Variants in SYNPR observed in about 807,000 individuals in gnomAD.
SYNPR encodes the protein synaptoporin.
Under a neutral mutation model 32.9 loss-of-function variants are expected in SYNPR, and 23 were observed. The observed-to-expected ratio is 0.70, with a 90% CI of 0.50 to 0.99. SYNPR has a LOEUF of 0.99. SYNPR is among the 50% of genes least tolerant of loss of function. The pLI is 0.00. For synonymous variants in SYNPR, 146 were observed against 135.9 expected (o/e 1.07, Z -0.52); for missense variants, 318 against 349.3 (o/e 0.91, Z 0.71).
At chr3:63,595,664 G>A (rs1308338767) in intron 4 of SYNPR, among the ~76,000 whole-genome samples, 4 of 131,984 alleles carry the variant, frequency 3.0e-5, no homozygotes, top group Non-Finnish European at 4.8e-5. Context: ...CATTTTGCAC[G>A]GTACCTAGTG....
chr3:63,207,038 G>T, the SYNPR span, among the ~76,000 whole-genome samples: 9 of 152,336 alleles, frequency 5.9e-5, no homozygotes, highest in Middle Eastern at 3.4e-3. Context: ...GAGAAGGAGA[G>T]AGGAAGTTTG....
intron 2 of SYNPR, among the ~76,000 whole-genome samples, chr3:63,465,024 C>T (rs2106662894): frequency 6.6e-6 from 1 of 152,236 alleles, no homozygotes; most frequent in East Asian, 1.9e-4. Flanking sequence ...CACTGGTACT[C>T]AGAAACTAAA....
chr3:63,327,766 G>A (rs902351438), intron 2 of SYNPR, among the ~76,000 whole-genome samples: 1 of 152,174 alleles, frequency 6.6e-6, no homozygotes, highest in Non-Finnish European at 1.5e-5. Flanking sequence ...TAGGACAGTA[G>A]CTAACTTTTG....
intron 4 of SYNPR, among the ~76,000 whole-genome samples, chr3:63,565,718 G>A (rs545496357): frequency 6.6e-6 from 1 of 152,296 alleles, no homozygotes; most frequent in East Asian, 1.9e-4. Flanking sequence ...AGAGGATGCT[G>A]CAATGAGGCA....
At chr3:63,254,417 T>G (rs1184285976) in intron 2 of SYNPR, among the ~76,000 whole-genome samples, 1 of 152,148 alleles carries the variant, frequency 6.6e-6, no homozygotes, top group African/African-American at 2.4e-5. Flanking sequence ...AATTTAGTAG[T>G]TGCAACCAAC....
At chr3:63,469,595 A>G (rs139431630) in intron 2 of SYNPR, among the ~76,000 whole-genome samples, 1 of 152,298 alleles carries the variant, frequency 6.6e-6, no homozygotes, top group African/African-American at 2.4e-5. Context: ...CTGAATTTTT[A>G]TTTTATCTTA....
intron 2 of SYNPR, among the ~76,000 whole-genome samples, chr3:63,351,843 G>C (rs970637989): frequency 6.6e-6 from 1 of 152,116 alleles, no homozygotes; most frequent in East Asian, 1.9e-4. Context: ...CTAAGTGGGG[G>C]AGAGATAAAA....
Position 63,422,095 on chromosome 3 carries a change from T to C in SYNPR, c.85-58737T>C, listed in dbSNP as rs531659594. 2.0e-5 allele frequency among the ~76,000 whole-genome samples: 3 copies of C among 152,364 alleles called. No homozygotes were observed. The South Asian group carries it at 6.2e-4, about 32-fold the overall frequency. The stretch of plus-strand genomic sequence containing the variant: ...TCAGTGAGTGTTGTATCATTATTTT[T>C]ACAGGTTCCACTCACATTCAGGTTA... On this transcript the variant is annotated intron_variant, in intron 2 of 5. Transcript: ENST00000478300.
intron 2 of SYNPR, chr3:63,330,144 C>G (rs1467810810): frequency 6.6e-6 from 1 of 152,142 alleles, no homozygotes; most frequent in Non-Finnish European, 1.5e-5. Context: ...CCTCAGGAGC[C>G]TTTTCTCCAG....
At chr3:63,443,570 A>G (rs1242576094) in intron 2 of SYNPR, 129 of 1,340,380 alleles carry the variant, frequency 9.6e-5, no homozygotes, top group Non-Finnish European at 1.2e-4. Context: ...TTTCTTTCCA[A>G]GTATCAGTTT....
intron 2 of SYNPR, among the ~76,000 whole-genome samples, chr3:63,459,246 A>G (rs1700539560): frequency 6.6e-6 from 1 of 152,076 alleles, no homozygotes; most frequent in South Asian, 2.1e-4. Context: ...ACCTCAGTGA[A>G]ATGAGACATT....
chr3:63,201,534 A>C, the SYNPR span, among the ~76,000 whole-genome samples: 1 of 152,296 alleles, frequency 6.6e-6, no homozygotes, highest in Middle Eastern at 3.4e-3. Flanking sequence ...TGGAGACAGC[A>C]AAACATGATT....
At position 63,595,739 on chromosome 3, in the gene SYNPR, AT is replaced by A. The variant is rs1559546149; in HGVS notation, c.409-13385del. Among the ~76,000 whole-genome samples, 9 of 44,076 alleles carry A rather than the reference AT, an allele frequency of 2.0e-4. 2 individuals carry two copies. Among genetic ancestry groups the A allele is most frequent in the African/African-American group, 1.6e-3 (7 of 4,460 alleles). 28.9% of individuals were successfully genotyped at this position (44,076 alleles called of 152,430 possible). On this transcript the variant is annotated intron_variant, in intron 4 of 5. Transcript: ENST00000478300. ...ATTTTATATATATATATATATATATATATATATATATATATATATATATATA... is the reference window on the plus strand; with the variant it reads ...ATTTTATATATATATATATATATATAATATATATATATATATATATATATA...
At chr3:63,573,543 G>C (rs895671099) in intron 4 of SYNPR, among the ~76,000 whole-genome samples, 5 of 152,178 alleles carry the variant, frequency 3.3e-5, no homozygotes, top group Non-Finnish European at 7.3e-5. Context: ...CAGAATGAAT[G>C]CTGGGAGCAG....
chr3:63,555,407 C>A (rs1188483176), intron 3 of SYNPR, among the ~76,000 whole-genome samples: 1 of 151,906 alleles, frequency 6.6e-6, no homozygotes, highest in Non-Finnish European at 1.5e-5. Context: ...TATCTTTTTG[C>A]AAGTGCCTCC....
intron 2 of SYNPR, among the ~76,000 whole-genome samples, chr3:63,360,804 T>C (rs561408792): frequency 2.0e-5 from 3 of 152,282 alleles, no homozygotes; most frequent in Non-Finnish European, 4.4e-5. Context: ...CTACCTAAGA[T>C]ATTCCCCCTA....
intron 4 of SYNPR, among the ~76,000 whole-genome samples, chr3:63,600,480 C>A (rs573790070): frequency 6.6e-6 from 1 of 152,122 alleles, no homozygotes; most frequent in African/African-American, 2.4e-5. Context: ...TGCAAGGTAT[C>A]CTCAAACTCA....
At chr3:63,539,450 T>C (rs1355561952) in intron 3 of SYNPR, among the ~76,000 whole-genome samples, 1 of 152,138 alleles carries the variant, frequency 6.6e-6, no homozygotes, top group Admixed American at 6.6e-5. Flanking sequence ...CTTCCTTCTC[T>C]GGTATCTAAA....
At chr3:63,356,102 G>A (rs1318466847) in intron 2 of SYNPR, among the ~76,000 whole-genome samples, 1 of 152,158 alleles carries the variant, frequency 6.6e-6, no homozygotes, top group African/African-American at 2.4e-5. Context: ...TCCTAAGATG[G>A]CTCATTCTTC....
Sources: gnomAD v4.1 joint callset for allele counts (sites outside exome capture counted in the v4.1 genomes callset) on GRCh38, gnomAD v4.1.1 for gene constraint, MANE v1.5 for transcripts, NCBI Gene and HGNC (gene_info 2026-07-23, HGNC 2026-07-21) for gene names.